The following SESN3 variants were observed in gnomAD, a reference collection of about 807,000 sequenced individuals.
The protein encoded by SESN3 is sestrin-3.
Under a neutral mutation model 55.3 loss-of-function variants are expected in SESN3, and 21 were observed. The observed-to-expected ratio is 0.38, with a 90% CI of 0.27 to 0.55. The LOEUF is 0.55. Among genes scored for constraint, SESN3 ranks in the 20% least tolerant of loss-of-function variants. The pLI is 0.76. For synonymous variants in SESN3, 181 were observed against 203.1 expected, an observed-to-expected ratio of 0.89 and a Z score of 0.93; for missense variants, 408 against 604.3, an observed-to-expected ratio of 0.68 and a Z score of 3.41.
In SESN3 at chr11:95,170,666, A is replaced by C. The variant is rs1255659918; in HGVS notation, c.*2589T>G. 6.6e-6 allele frequency: 1 copy of C among 152,240 alleles called. No homozygotes were observed. The highest frequency in any genetic ancestry group is 1.9e-4 in the East Asian group (1 of 5,206). The allele number at this position is 152,240 out of a possible 1,614,324, so 9.4% of individuals were successfully genotyped here. A position where few individuals can be genotyped will look rare whatever the true frequency, so the allele number is the denominator to read the frequency against. On this transcript the variant is annotated 3_prime_UTR_variant, in exon 10 of 10. Transcript: ENST00000536441. The stretch of plus-strand genomic sequence containing the variant: ...TTTGCATTGGATAAAGAGAGTTAAC[A>C]GCAAACTCGTTGTAAAATGGTATTC...
rs1208352322 is a variant in SESN3 at position 95,166,812 on chromosome 11, A to G, written c.*6443T>C. ...TTCTATGTCTCTTATTTTGGGTTGA[A>G]AAGAGTAAATGTGAAGAGAAAGAGG... On this transcript the variant is annotated 3_prime_UTR_variant, in exon 10 of 10. Coordinates refer to ENST00000536441, the MANE Select transcript of SESN3 (RefSeq NM_144665.4). The G allele has an allele frequency of 6.6e-6, 1 of 152,198 alleles. No homozygotes were observed. The highest frequency in any genetic ancestry group is 1.5e-5 in the Non-Finnish European group (1 of 68,042). 9.4% of individuals were successfully genotyped at this position (152,198 alleles called of 1,614,324 possible).
At chr11:95,181,051 T>C (rs1565463597) in intron 6 of SESN3, among the ~76,000 whole-genome samples, 1 of 152,068 alleles carries the variant, frequency 6.6e-6, no homozygotes, top group Non-Finnish European at 1.5e-5. Context: ...CAAAGTAAAA[T>C]AAAGCCAAAA....
At position 95,175,361 on chromosome 11, in the gene SESN3, C is replaced by A. The variant is rs1450487466; in HGVS notation, c.1392+137G>T. On this transcript the variant is annotated intron_variant, in intron 9 of 9. Coordinates refer to ENST00000536441, the MANE Select transcript of SESN3 (RefSeq NM_144665.4). ...CCTGGCAAACAAACAAGCAAAAAAA[C>A]CCCAGATAGCTAGATGATGCCACTT... 9.6e-6 allele frequency: 7 copies of A among 727,130 alleles called. No homozygotes were observed. The East Asian group carries it at 1.7e-4, about 18-fold the overall frequency. 45.0% of individuals were successfully genotyped at this position (727,130 alleles called of 1,614,324 possible). A position where few individuals can be genotyped will look rare whatever the true frequency, so the allele number is the denominator to read the frequency against.
At chr11:95,218,276 ATCC>A (rs1860796259) in intron 1 of SESN3, among the ~76,000 whole-genome samples, 1 of 152,230 alleles carries the variant, frequency 6.6e-6, no homozygotes, top group Admixed American at 6.5e-5. Flanking sequence ...AGTTTACCAA[ATCC>A]TACTCTTGAC....
chr11:95,185,610 C>G, intron 4 of SESN3, 118 bp from the exon 5 acceptor site: 1 of 685,132 alleles, frequency 1.5e-6, no homozygotes, highest in South Asian at 1.9e-5. Flanking sequence ...TTAAAACTCT[C>G]TTTTAAAAAT....
chr11:95,177,662 A>G (rs1003818156), intron 8 of SESN3, 57 bp downstream of exon 8: 4 of 1,323,770 alleles, frequency 3.0e-6, no homozygotes, highest in Non-Finnish European at 4.2e-6. Context: ...CAAAAATAAG[A>G]CTCATGCTTG....
Position 95,165,670 on chromosome 11 carries a change from C to T in SESN3, c.*7585G>A, listed in dbSNP as rs1042803308. On this transcript the variant is annotated 3_prime_UTR_variant, in exon 10 of 10. Coordinates refer to ENST00000536441, the MANE Select transcript of SESN3 (RefSeq NM_144665.4). ...TGTTCTGTACCTATAAATAGATTTTCAAAATGTCATAAAAAGTGCAGTTAT... is the reference window on the plus strand; with the variant it reads ...TGTTCTGTACCTATAAATAGATTTTTAAAATGTCATAAAAAGTGCAGTTAT... 3 of 152,104 alleles carry T rather than the reference C, an allele frequency of 2.0e-5. No homozygotes were observed. Among genetic ancestry groups the T allele is most frequent in the African/African-American group, 7.2e-5 (3 of 41,420 alleles). The allele number at this position is 152,104 out of a possible 1,614,324, so 9.4% of individuals were successfully genotyped here.
chr11:95,189,846 T>C lies in SESN3; in HGVS notation c.458A>G (p.Lys153Arg), dbSNP rs1860233640. ...CAGCTTATTAATTTCATTAAGATTT[T>C]TCAGTCTTTGTGGCACATATTCCAA... Reference protein sequence around the residue: ...NGLEYVPQRLKNLNEINKLLA... With the variant: ...NGLEYVPQRLRNLNEINKLLA... The change falls in exon 4 of 10, where the codon AAA (lysine) becomes AGA (arginine). Residue 153 changes from lysine to arginine, a missense_variant. Coordinates refer to ENST00000536441, the MANE Select transcript of SESN3 (RefSeq NM_144665.4). 6.2e-7 allele frequency: 1 copy of C among 1,611,776 alleles called. No homozygotes were observed. The highest frequency in any genetic ancestry group is 8.5e-7 in the Non-Finnish European group (1 of 1,178,632).
intron 1 of SESN3, among the ~76,000 whole-genome samples, chr11:95,228,008 A>G (rs1248889114): frequency 6.6e-6 from 1 of 152,338 alleles, no homozygotes; most frequent in African/African-American, 2.4e-5. Flanking sequence ...TGGTTAATTT[A>G]TTTATGGATA....
At chr11:95,224,550 C>A in intron 1 of SESN3, 1 of 394,184 alleles carries the variant, frequency 2.5e-6, no homozygotes, top group Non-Finnish European at 4.9e-6. Context: ...AAAATATTGG[C>A]TCAATGAGTT....
chr11:95,203,672 G>T (rs577547477), intron 1 of SESN3: 22 of 152,266 alleles, frequency 1.4e-4, no homozygotes, highest in African/African-American at 5.3e-4. Flanking sequence ...GTGCTTTAAT[G>T]TACACAGGTA....
intron 8 of SESN3, 23 bp downstream of exon 8, chr11:95,177,696 A>C: frequency 6.4e-7 from 1 of 1,561,012 alleles, no homozygotes; most frequent in Non-Finnish European, 8.7e-7. Flanking sequence ...AAATGTAAAA[A>C]ACTGTCTCTA....
Position 95,214,995 on chromosome 11 carries a change from G to A in SESN3, c.78+15788C>T, listed in dbSNP as rs577145152. On this transcript the variant is annotated intron_variant, in intron 1 of 9. Coordinates refer to ENST00000536441, the MANE Select transcript of SESN3 (RefSeq NM_144665.4). ...ACAGTGAGAGCATATTATATCTGAA[G>A]GTCTCAAATCTGCATTTTGTAAAAT... Among the ~76,000 whole-genome samples, 7 of 152,186 alleles carry A rather than the reference G, an allele frequency of 4.6e-5. No homozygotes were observed. In the East Asian group the frequency reaches 9.7e-4, roughly 21 times the overall value.
intron 1 of SESN3, among the ~76,000 whole-genome samples, chr11:95,217,407 T>C (rs1376194327): frequency 6.6e-6 from 1 of 152,090 alleles, no homozygotes; most frequent in African/African-American, 2.4e-5. Context: ...TCCCAGCACT[T>C]TGGGAGGCCA....
At chr11:95,227,881 G>A (rs775228066) in intron 1 of SESN3, among the ~76,000 whole-genome samples, 20 of 152,028 alleles carry the variant, frequency 1.3e-4, no homozygotes, top group South Asian at 2.1e-4. Flanking sequence ...TTAAAAACTC[G>A]TTAACTTTAC....
chr11:95,191,127 T>A (rs1860260151), intron 3 of SESN3, among the ~76,000 whole-genome samples: 1 of 152,102 alleles, frequency 6.6e-6, no homozygotes, highest in Non-Finnish European at 1.5e-5. Flanking sequence ...TGTGGGGTAT[T>A]ATTTTGCATG....
intron 1 of SESN3, among the ~76,000 whole-genome samples, chr11:95,214,678 C>G (rs911412451): frequency 3.9e-5 from 6 of 151,966 alleles, no homozygotes; most frequent in Admixed American, 3.9e-4. Context: ...AACAACATAT[C>G]AATCCCAAAT....
In SESN3 at chr11:95,215,688, G is replaced by C. The variant is rs558920657; in HGVS notation, c.78+15095C>G. ...ATGAAGAGGAACTTAGTATTTGAAT[G>C]TGAATTTTTCCTAGAAATAACTGTA... On this transcript the variant is annotated intron_variant, in intron 1 of 9. Transcript: ENST00000536441. Among the ~76,000 whole-genome samples, 26 of 152,312 alleles carry C rather than the reference G, an allele frequency of 1.7e-4. 1 individual carries two copies. The highest frequency in any genetic ancestry group is 6.3e-4 in the African/African-American group (26 of 41,556).
Position 95,187,855 on chromosome 11 carries a change from G to A in SESN3, c.525+1924C>T, listed in dbSNP as rs80023801. Among the ~76,000 whole-genome samples the A allele has an allele frequency of 3.6e-3, 541 of 151,612 alleles. 2 individuals are homozygous for A. The highest frequency in any genetic ancestry group is 0.013 in the African/African-American group (525 of 41,388). On this transcript the variant is annotated intron_variant, in intron 4 of 9. Transcript: ENST00000536441. Reference sequence around the variant, plus strand: ...TTTGTGGATGTCATTTTTAGTTGTTGTCAGCCTGTATATGCTCATGTCATG... The same window carrying A: ...TTTGTGGATGTCATTTTTAGTTGTTATCAGCCTGTATATGCTCATGTCATG...
Sources: gnomAD v4.1 joint callset for allele counts (sites outside exome capture counted in the v4.1 genomes callset) on GRCh38, gnomAD v4.1.1 for gene constraint, MANE v1.5 for transcripts, NCBI Gene and HGNC (gene_info 2026-07-23, HGNC 2026-07-21) for gene names.